The following CDK5RAP2 variants were observed in gnomAD, a reference collection of about 807,000 sequenced individuals.
CDK5RAP2 encodes CDK5 regulatory subunit-associated protein 2.
CDK5RAP2 carries 147 observed loss-of-function variants against 232.9 expected under a neutral mutation model. The observed-to-expected ratio is 0.63, with a 90% CI of 0.55 to 0.72. CDK5RAP2 has a LOEUF of 0.72. Among genes scored for constraint, CDK5RAP2 ranks in the 30% least tolerant of loss-of-function variants. The pLI, the probability that CDK5RAP2 is intolerant of heterozygous loss-of-function variation, is 0.00. For synonymous variants in CDK5RAP2, 833 were observed against 833.7 expected, an observed-to-expected ratio of 1.00 and a Z score of 0.01; for missense variants, 2,195 against 2,231.5, an observed-to-expected ratio of 0.98 and a Z score of 0.33.
chr9:120,490,007 A>G (rs1346048449), intron 13 of CDK5RAP2, among the ~76,000 whole-genome samples: 1 of 152,048 alleles, frequency 6.6e-6, no homozygotes, highest in Non-Finnish European at 1.5e-5. Context: ...GAGTTTCTCC[A>G]TGTTGGTCAG....
chr9:120,519,454 A>G (rs1263694665), intron 11 of CDK5RAP2, among the ~76,000 whole-genome samples: 1 of 152,226 alleles, frequency 6.6e-6, no homozygotes, highest in Non-Finnish European at 1.5e-5. Flanking sequence ...CCAAAACAAA[A>G]CAACCTTGAC....
chr9:120,519,611 C>T (rs754921438), intron 11 of CDK5RAP2, among the ~76,000 whole-genome samples: 10 of 152,212 alleles, frequency 6.6e-5, no homozygotes, highest in Non-Finnish European at 1.5e-4. Flanking sequence ...GACATCTGCC[C>T]AGCAACTGCC....
intron 11 of CDK5RAP2, among the ~76,000 whole-genome samples, chr9:120,519,361 G>C (rs1317611798): frequency 6.6e-6 from 1 of 151,712 alleles, no homozygotes; most frequent in Non-Finnish European, 1.5e-5. Flanking sequence ...TTGAATGGTA[G>C]AAAATGAAGA....
rs191845739 is a variant in CDK5RAP2, at chr9:120,543,867, A to T, written c.383+1847T>A. Among the ~76,000 whole-genome samples, 276 of 152,092 alleles carry T rather than the reference A, an allele frequency of 1.8e-3. 1 individual carries two copies. Among genetic ancestry groups the T allele is most frequent in the African/African-American group, 6.4e-3 (266 of 41,456 alleles). On this transcript the variant is annotated intron_variant, in intron 5 of 37. Coordinates refer to ENST00000349780, the MANE Select transcript of CDK5RAP2 (RefSeq NM_018249.6). ...AAACTCTGTCTCAAAAAATAATAAT[A>T]ATATATATTTACTCCCCTACCTATA...
intron 10 of CDK5RAP2, 59 bp from the exon 11 acceptor site, chr9:120,525,137 C>G: frequency 8.1e-7 from 1 of 1,240,242 alleles, no homozygotes. Context: ...CTCTGCACAG[C>G]CCACATGCTT....
intron 1 of CDK5RAP2, 97 bp from the exon 2 acceptor site, chr9:120,572,138 A>G: frequency 1.0e-6 from 1 of 958,850 alleles, no homozygotes; most frequent in East Asian, 2.4e-5. Context: ...TCCCATGGCC[A>G]GGAGGGATGC....
At position 120,572,000 on chromosome 9, in the gene CDK5RAP2, T is replaced by A. The variant is rs761031619; in HGVS notation, c.101A>T (p.Asn34Ile). Residue 34 changes from asparagine to isoleucine, a missense_variant, in exon 2 of 38, where the codon AAC (asparagine) becomes ATC (isoleucine). By Grantham distance (149) the Asn-to-Ile change is moderately radical. Transcript: ENST00000349780. ...ACCATTTCCCAACCCAGCATTGGGGTTGATGCCATCCAGGTCATCTGGTAC... is the reference window on the plus strand; with the variant it reads ...ACCATTTCCCAACCCAGCATTGGGGATGATGCCATCCAGGTCATCTGGTAC... ...PSVPDDLDGI[N>I]PNAGLGNGLL... is the part of the protein sequence containing the mutation. 1.9e-6 allele frequency: 3 copies of A among 1,613,880 alleles called. No individual in the cohort carries two copies. The highest frequency in any genetic ancestry group is 3.3e-5 in the Admixed American group (2 of 60,000).
chr9:120,517,649 A>T (rs947508226), intron 12 of CDK5RAP2: 2 of 154,162 alleles, frequency 1.3e-5, no homozygotes, highest in African/African-American at 4.8e-5. Context: ...GTACAGTCAT[A>T]AAAAAGATCA....
intron 14 of CDK5RAP2, among the ~76,000 whole-genome samples, chr9:120,479,810 T>C (rs776359876): frequency 7.9e-5 from 12 of 152,208 alleles, no homozygotes; most frequent in Non-Finnish European, 1.5e-4. Flanking sequence ...AAGGGTGTTA[T>C]TGAGACAACT....
chr9:120,417,017 C>T (rs1455012150), intron 27 of CDK5RAP2, among the ~76,000 whole-genome samples: 1 of 152,250 alleles, frequency 6.6e-6, no homozygotes, highest in Non-Finnish European at 1.5e-5. Flanking sequence ...TCGTAGCTCT[C>T]GCTGCAGCAC....
chr9:120,402,598 C>A (rs895563816), intron 34 of CDK5RAP2, among the ~76,000 whole-genome samples: 7 of 152,144 alleles, frequency 4.6e-5, no homozygotes, highest in African/African-American at 1.7e-4. Context: ...GGAGCAGTTG[C>A]AGGAACACAA....
chr9:120,493,190 C>T (rs1234848338), intron 12 of CDK5RAP2, among the ~76,000 whole-genome samples: 1 of 152,216 alleles, frequency 6.6e-6, no homozygotes, highest in African/African-American at 2.4e-5. Flanking sequence ...CTAGAGCCTT[C>T]AGGAGGAATG....
chr9:120,516,057 A>T (rs551068548), intron 12 of CDK5RAP2, among the ~76,000 whole-genome samples: 11 of 152,330 alleles, frequency 7.2e-5, no homozygotes, highest in African/African-American at 2.6e-4. Flanking sequence ...CTATAAAGAC[A>T]CATGCACACG....
At chr9:120,531,108 G>A (rs991086982) in intron 7 of CDK5RAP2, among the ~76,000 whole-genome samples, 15 of 151,898 alleles carry the variant, frequency 9.9e-5, no homozygotes, top group African/African-American at 2.2e-4. Flanking sequence ...GGGCCCTGCC[G>A]ACAGCTTCAG....
At chr9:120,510,057 C>T (rs985519434) in intron 12 of CDK5RAP2, among the ~76,000 whole-genome samples, 1 of 152,104 alleles carries the variant, frequency 6.6e-6, no homozygotes, top group Non-Finnish European at 1.5e-5. Context: ...CCCTAACCAA[C>T]CAGCCTGTAG....
intron 20 of CDK5RAP2, among the ~76,000 whole-genome samples, chr9:120,456,557 T>C (rs1055088790): frequency 6.6e-6 from 1 of 152,110 alleles, no homozygotes; most frequent in African/African-American, 2.4e-5. Flanking sequence ...ACAACAAAAT[T>C]TACATGTATG....
intron 21 of CDK5RAP2, among the ~76,000 whole-genome samples, chr9:120,450,674 T>C (rs190330947): frequency 6.6e-6 from 1 of 152,252 alleles, no homozygotes; most frequent in Admixed American, 6.5e-5. Context: ...TTCTAGGATA[T>C]AAAATGCTTT....
At chr9:120,529,885 G>C in intron 8 of CDK5RAP2, 93 bp downstream of exon 8, 1 of 1,211,230 alleles carries the variant, frequency 8.3e-7, no homozygotes, top group Non-Finnish European at 1.2e-6. Flanking sequence ...AGCAGGCTGT[G>C]TGTGAACCAT....
At chr9:120,417,672 T>G (rs1375214945) in intron 27 of CDK5RAP2, among the ~76,000 whole-genome samples, 2 of 152,190 alleles carry the variant, frequency 1.3e-5, no homozygotes, top group South Asian at 2.1e-4. Flanking sequence ...ACAGCCAAAC[T>G]GAAGAGAAGG....
Sources: gnomAD v4.1 joint callset for allele counts (sites outside exome capture counted in the v4.1 genomes callset) on GRCh38, gnomAD v4.1.1 for gene constraint, MANE v1.5 for transcripts, NCBI Gene and HGNC (gene_info 2026-07-23, HGNC 2026-07-21) for gene names.